ANKRD36: variants seen among roughly 807,000 people sequenced by gnomAD.
The protein encoded by ANKRD36 is ankyrin repeat domain 36.
Under a neutral mutation model 278.1 loss-of-function variants are expected in ANKRD36, and 179 were observed. That is an observed-to-expected ratio of 0.64 (90% CI 0.57 to 0.73). ANKRD36 has a LOEUF of 0.73. Among genes scored for constraint, ANKRD36 ranks in the 30% least tolerant of loss-of-function variants. The probability of loss-of-function intolerance (pLI) is 0.00; values close to 1 mark genes in which losing one functional copy is unlikely to be tolerated. For missense variants in ANKRD36, 1,159 were observed against 1,956.7 expected (o/e 0.59, Z 7.69); for synonymous variants, 320 against 641.1 (o/e 0.50, Z 7.57).
At chr2:97,205,400 A>C (rs2062565168) in intron 50 of ANKRD36, among the ~76,000 whole-genome samples, 1 of 151,600 alleles carries the variant, frequency 6.6e-6, no homozygotes, top group African/African-American at 2.4e-5. Context: ...ATCAGCAAAG[A>C]GGTATCCAAG....
rs1270536138 is a variant in ANKRD36, at chr2:97,151,420, C to T, written c.1102-459C>T. ...ACTTGTGCTGTTTCTGATGCCAACC[C>T]ATTTAAAGATAGTACTACTAAAAAC... On this transcript the variant is annotated intron_variant, in intron 12 of 75. Coordinates refer to ENST00000420699, the MANE Select transcript of ANKRD36 (RefSeq NM_001354587.1). Among the ~76,000 whole-genome samples the T allele has an allele frequency of 3.9e-5, 6 of 152,392 alleles. 1 individual carries two copies. The East Asian group carries it at 5.8e-4, about 15-fold the overall frequency.
At chr2:97,260,425 A>C (rs913589811) in intron 75 of ANKRD36, among the ~76,000 whole-genome samples, 3 of 131,190 alleles carry the variant, frequency 2.3e-5, no homozygotes, top group South Asian at 4.7e-4. Flanking sequence ...CACACACACA[A>C]ACACACACAC....
intron 17 of ANKRD36, among the ~76,000 whole-genome samples, chr2:97,161,179 C>A (rs1439636632): frequency 1.3e-5 from 2 of 152,392 alleles, no homozygotes; most frequent in East Asian, 3.9e-4. Context: ...CTTCTAAGTC[C>A]CCTTTGTGCC....
rs1559539503 is a variant in ANKRD36, at chr2:97,185,487, AG to A, written c.2020del (p.Asp674MetfsTer16). Reference sequence around the variant, plus strand: ...GCTTTGAATATAGCTACAGAAATAAAGGATGGACTACAGTGTGGGACAGGTA... The same window carrying A: ...GCTTTGAATATAGCTACAGAAATAAAGATGGACTACAGTGTGGGACAGGTA... ...DSALNIATEIKDGLQCGTVSS... is the reference protein window; with the variant it reads ...DSALNIATEIXDGLQCGTVSS... On this transcript the variant is annotated frameshift_variant, in exon 30 of 76. Coordinates refer to ENST00000420699, the MANE Select transcript of ANKRD36 (RefSeq NM_001354587.1). LOFTEE classifies it high-confidence loss of function. The A allele has an allele frequency of 6.2e-7, 1 of 1,611,090 alleles. No homozygotes were observed. Among genetic ancestry groups the A allele is most frequent in the East Asian group, 2.2e-5 (1 of 44,680 alleles).
chr2:97,114,076 G>A, intron 1 of ANKRD36, 140 bp downstream of exon 1: 1 of 1,354,110 alleles, frequency 7.4e-7, no homozygotes. Context: ...GGCTGGGGTG[G>A]GAGTGAGTGG....
intron 48 of ANKRD36, 111 bp from the exon 49 acceptor site, chr2:97,203,957 C>T: frequency 1.4e-6 from 2 of 1,475,058 alleles, no homozygotes; most frequent in East Asian, 5.0e-5. Context: ...GCCATCAAAG[C>T]ATACGCTAAT....
chr2:97,124,877 T>C (rs1574573823), intron 5 of ANKRD36, among the ~76,000 whole-genome samples: 1 of 152,052 alleles, frequency 6.6e-6, no homozygotes, highest in Admixed American at 6.6e-5. Context: ...ATGTTGTCCA[T>C]TTTATTTCTA....
At position 97,204,253 on chromosome 2, in the gene ANKRD36, A is replaced by G. The variant is rs1334380314; in HGVS notation, c.3051A>G (p.Lys1017=). The change falls in exon 50 of 76, where the codon AAA becomes AAG. Residue 1017 remains lysine, a synonymous_variant. Coordinates refer to ENST00000420699, the MANE Select transcript of ANKRD36 (RefSeq NM_001354587.1). ...NIARGKKDGE[K]TRTVSSQKPP... is the part of the protein sequence containing the mutation. Reference sequence around the variant, plus strand: ...CCAGAGGAAAAAAGGATGGAGAAAAAACTAGGACAGGTAATTTTGAAAAGA... The same window carrying G: ...CCAGAGGAAAAAAGGATGGAGAAAAGACTAGGACAGGTAATTTTGAAAAGA... 1.9e-6 allele frequency: 3 copies of G among 1,567,814 alleles called. No homozygotes were observed. The highest frequency in any genetic ancestry group is 2.6e-6 in the Non-Finnish European group (3 of 1,158,280).
In ANKRD36 at chr2:97,158,105, A is replaced by G; in HGVS notation, c.1261-2A>G. 6.7e-7 allele frequency: 1 copy of G among 1,483,086 alleles called. No homozygotes were observed. Among genetic ancestry groups the G allele is most frequent in the Non-Finnish European group, 9.1e-7 (1 of 1,103,046 alleles). The allele number at this position is 1,483,086 out of a possible 1,614,324, so 91.9% of individuals were successfully genotyped here. On this transcript the variant is annotated splice_acceptor_variant, in intron 15 of 75. Transcript: ENST00000420699. LOFTEE classifies it high-confidence loss of function. ...TATTCTTAAACCTATTGTGTCTTCT[A>G]GAATATTTCAGAACCATACTTTACG...
chr2:97,194,438 C>T (rs1305102382), intron 38 of ANKRD36, among the ~76,000 whole-genome samples: 2 of 151,562 alleles, frequency 1.3e-5, no homozygotes, highest in Non-Finnish European at 2.9e-5. Flanking sequence ...CACATTTGTC[C>T]TCATCACTCG....
At chr2:97,185,056 T>G (rs1433186843) in intron 28 of ANKRD36, among the ~76,000 whole-genome samples, 1 of 151,794 alleles carries the variant, frequency 6.6e-6, no homozygotes, top group South Asian at 2.1e-4. Context: ...CATATTCACA[T>G]TGATAGTAAC....
At chr2:97,219,738 C>T (rs2066903648) in intron 66 of ANKRD36, among the ~76,000 whole-genome samples, 1 of 136,496 alleles carries the variant, frequency 7.3e-6, no homozygotes, top group South Asian at 3.0e-4. Flanking sequence ...GCCTCGCCCT[C>T]CCAAAGTGCT....
intron 50 of ANKRD36, among the ~76,000 whole-genome samples, chr2:97,204,717 C>T (rs927232078): frequency 2.6e-5 from 4 of 151,536 alleles, no homozygotes; most frequent in Admixed American, 6.6e-5. Context: ...CTAAGGAAGA[C>T]GGATTGTGAG....
At chr2:97,231,811 T>C (rs1265908852) in intron 67 of ANKRD36, among the ~76,000 whole-genome samples, 2 of 152,108 alleles carry the variant, frequency 1.3e-5, no homozygotes, top group Non-Finnish European at 1.5e-5. Flanking sequence ...TCTTACTGAC[T>C]GGTGGTGATT....
intron 22 of ANKRD36, among the ~76,000 whole-genome samples, chr2:97,168,300 T>G (rs2051351154): frequency 6.6e-6 from 1 of 152,278 alleles, no homozygotes; most frequent in Non-Finnish European, 1.5e-5. Context: ...ATACCTCTGA[T>G]TCTGGAAAAT....
chr2:97,231,301 C>A lies in ANKRD36; in HGVS notation c.3952-2429C>A, dbSNP rs111669195. ...GAGCTGTGGTGGGCTCCACCCAGTTCAAGCTGCTTTGTTTACCTAAGCAAG... is the reference window on the plus strand; with the variant it reads ...GAGCTGTGGTGGGCTCCACCCAGTTAAAGCTGCTTTGTTTACCTAAGCAAG... On this transcript the variant is annotated intron_variant, in intron 67 of 75. Coordinates refer to ENST00000420699, the MANE Select transcript of ANKRD36 (RefSeq NM_001354587.1). Among the ~76,000 whole-genome samples the A allele has an allele frequency of 4.4e-4, 67 of 152,260 alleles. No individual in the cohort carries two copies. In the East Asian group the frequency reaches 8.4e-3, roughly 19 times the overall value.
At chr2:97,137,929 C>A (rs530447069) in intron 6 of ANKRD36, among the ~76,000 whole-genome samples, 2 of 152,060 alleles carry the variant, frequency 1.3e-5, no homozygotes, top group East Asian at 3.9e-4. Context: ...CTGTTCATAT[C>A]CTTTGTCCAC....
At position 97,146,468 on chromosome 2, in the gene ANKRD36, T is replaced by A. The variant is rs780598051; in HGVS notation, c.1004-18T>A. The A allele has an allele frequency of 8.6e-6, 13 of 1,505,298 alleles. No individual in the cohort carries two copies. In the South Asian group the frequency reaches 1.5e-4, roughly 17 times the overall value. 93.2% of individuals were successfully genotyped at this position (1,505,298 alleles called of 1,614,324 possible). The stretch of plus-strand genomic sequence containing the variant: ...TCCTATTGTTGATTTAAAATGCATT[T>A]TACTTTTTGTTTAATAGTGCTTCCT... On this transcript the variant is annotated intron_variant, in intron 10 of 75. Transcript: ENST00000420699.
chr2:97,158,781 T>C, intron 17 of ANKRD36, 126 bp downstream of exon 17: 1 of 1,013,466 alleles, frequency 9.9e-7, no homozygotes, highest in Non-Finnish European at 1.4e-6. Flanking sequence ...GGAAAATATT[T>C]TTCCCGTGCT....
Sources: allele counts gnomAD v4.1 joint callset (sites outside exome capture counted in the v4.1 genomes callset), GRCh38; gene constraint gnomAD v4.1.1; transcripts MANE v1.5; gene names NCBI Gene and HGNC (gene_info 2026-07-23, HGNC 2026-07-21).